ZNF385B: variants seen among roughly 807,000 people sequenced by gnomAD.
ZNF385B encodes the protein zinc finger protein 533.
Under a neutral mutation model 39.2 loss-of-function variants are expected in ZNF385B, and 23 were observed. That is an observed-to-expected ratio of 0.59 (90% CI 0.42 to 0.83). ZNF385B has a LOEUF of 0.83. Among genes scored for constraint, ZNF385B ranks in the 40% least tolerant of loss-of-function variants. ZNF385B has a pLI of 0.00. For missense variants in ZNF385B, 552 were observed against 598.9 expected (o/e 0.92, Z 0.82); for synonymous variants, 205 against 222.6 (o/e 0.92, Z 0.70).
At chr2:179,824,193 G>A (rs571936542) in intron 1 of ZNF385B, among the ~76,000 whole-genome samples, 1 of 152,228 alleles carries the variant, frequency 6.6e-6, no homozygotes, top group Admixed American at 6.5e-5. Flanking sequence ...CTCCAGTTGT[G>A]CATGTCTGGT....
intron 3 of ZNF385B, among the ~76,000 whole-genome samples, chr2:179,761,019 C>T (rs1275235544): frequency 6.6e-6 from 1 of 152,194 alleles, no homozygotes; most frequent in South Asian, 2.1e-4. Context: ...CATTGACTTG[C>T]TTTTGTACCT....
At position 179,696,326 on chromosome 2, in the gene ZNF385B, C is replaced by CTTTTTTTTTTTTTTTTTTTTTTTTTTT; in HGVS notation, c.298+73176_298+73177insAAAAAAAAAAAAAAAAAAAAAAAAAAA. On this transcript the variant is annotated intron_variant, in intron 3 of 9. Coordinates refer to ENST00000410066, the MANE Select transcript of ZNF385B (RefSeq NM_152520.6). ...CTGGGACACTAGGTACAAACTGGGACTTTTTTTTTTTTTTTTTTTTTTTGC... is the reference window on the plus strand; with the variant it reads ...CTGGGACACTAGGTACAAACTGGGACTTTTTTTTTTTTTTTTTTTTTTTTTTTTTTTTTTTTTTTTTTTTTTTTTTGC... 5.1e-3 allele frequency among the ~76,000 whole-genome samples: 205 copies of CTTTTTTTTTTTTTTTTTTTTTTTTTTT among 40,360 alleles called. 86 individuals are homozygous for CTTTTTTTTTTTTTTTTTTTTTTTTTTT. The highest frequency in any genetic ancestry group is 5.3e-3 in the Non-Finnish European group (128 of 24,258). The allele number at this position is 40,360 out of a possible 152,430, so 26.5% of individuals were successfully genotyped here.
intron 3 of ZNF385B, among the ~76,000 whole-genome samples, chr2:179,574,297 G>C (rs1685560047): frequency 6.6e-6 from 1 of 152,132 alleles, no homozygotes. Context: ...ATCAGATAGG[G>C]AGTATTGTAC....
chr2:179,504,357 A>C (rs996619651), intron 5 of ZNF385B, among the ~76,000 whole-genome samples: 2 of 151,876 alleles, frequency 1.3e-5, no homozygotes, highest in African/African-American at 4.8e-5. Context: ...GTGTCTTTAT[A>C]GCAGCATGAT....
At chr2:179,532,142 C>T (rs6715297) in intron 4 of ZNF385B, among the ~76,000 whole-genome samples, 98,071 of 152,032 alleles carry the variant, frequency 0.65, 32,110 homozygotes, top group Admixed American at 0.74. Flanking sequence ...TCTCACGTGA[C>T]TGCAAGGAGG....
At chr2:179,536,141 A>C (rs1283574712) in intron 4 of ZNF385B, among the ~76,000 whole-genome samples, 2 of 152,076 alleles carry the variant, frequency 1.3e-5, no homozygotes, top group Admixed American at 1.3e-4. Flanking sequence ...CAGAGACATA[A>C]AGTTTTGGTC....
At chr2:179,570,057 T>A (rs1265756088) in intron 3 of ZNF385B, among the ~76,000 whole-genome samples, 1 of 152,192 alleles carries the variant, frequency 6.6e-6, no homozygotes, top group African/African-American at 2.4e-5. Flanking sequence ...ACTGGACACT[T>A]CTCTGCTCCT....
intron 5 of ZNF385B, among the ~76,000 whole-genome samples, chr2:179,509,004 T>C (rs1559369360): frequency 6.6e-6 from 1 of 151,142 alleles, no homozygotes; most frequent in Admixed American, 6.6e-5. Flanking sequence ...TGGAGTGTAG[T>C]GGTGTGATCT....
At chr2:179,457,061 C>T (rs1010055930) in intron 6 of ZNF385B, among the ~76,000 whole-genome samples, 1 of 152,048 alleles carries the variant, frequency 6.6e-6, no homozygotes, top group East Asian at 1.9e-4. Flanking sequence ...TGAGATTTCC[C>T]CCAAAGATAA....
At chr2:179,708,770 C>CA (rs1559115309) in intron 3 of ZNF385B, among the ~76,000 whole-genome samples, 1 of 152,140 alleles carries the variant, frequency 6.6e-6, no homozygotes, top group Non-Finnish European at 1.5e-5. Context: ...GGCACTGAAA[C>CA]AATACCAATA....
At chr2:179,511,292 G>T (rs187782607) in intron 5 of ZNF385B, among the ~76,000 whole-genome samples, 3 of 152,150 alleles carry the variant, frequency 2.0e-5, no homozygotes, top group African/African-American at 7.2e-5. Context: ...GAATGCCAGC[G>T]CCTCTAGCAG....
Position 179,504,773 on chromosome 2 carries a change from C to T in ZNF385B, c.552+13755G>A, listed in dbSNP as rs1003014913. Reference sequence around the variant, plus strand: ...TGTATACATATGTAACAAACCCGCACGTTGTGCACATGTACCCTAAAACTT... The same window carrying T: ...TGTATACATATGTAACAAACCCGCATGTTGTGCACATGTACCCTAAAACTT... On this transcript the variant is annotated intron_variant, in intron 5 of 9. Coordinates refer to ENST00000410066, the MANE Select transcript of ZNF385B (RefSeq NM_152520.6). 4.0e-5 allele frequency among the ~76,000 whole-genome samples: 6 copies of T among 151,072 alleles called. No individual in the cohort carries two copies. In the East Asian group the frequency reaches 5.8e-4, roughly 15 times the overall value.
chr2:179,578,634 A>T lies in ZNF385B; in HGVS notation c.299-33665T>A, dbSNP rs545456098. On this transcript the variant is annotated intron_variant, in intron 3 of 9. Coordinates refer to ENST00000410066, the MANE Select transcript of ZNF385B (RefSeq NM_152520.6). ...AAGTCATTTGCATTATTAATTGCCA[A>T]TCATGATGATGCTCAGAATTGAATC... Among the ~76,000 whole-genome samples the T allele has an allele frequency of 2.6e-5, 4 of 152,216 alleles. No individual in the cohort carries two copies. In the East Asian group the frequency reaches 7.7e-4, roughly 29 times the overall value.
chr2:179,609,056 T>C (rs1173961760), intron 3 of ZNF385B, among the ~76,000 whole-genome samples: 1 of 152,154 alleles, frequency 6.6e-6, no homozygotes, highest in Non-Finnish European at 1.5e-5. Context: ...CTTGAGCATT[T>C]ATTCTTTCTT....
intron 6 of ZNF385B, among the ~76,000 whole-genome samples, chr2:179,455,877 C>T (rs2050645100): frequency 1.4e-5 from 1 of 70,866 alleles, no homozygotes. Context: ...GAGACTGCAT[C>T]TCAAAAAAAA....
chr2:179,493,784 C>CATATGTATACATATGTGTATATACAT (rs2055806073), intron 5 of ZNF385B, among the ~76,000 whole-genome samples: 26 of 88,498 alleles, frequency 2.9e-4, no homozygotes, highest in African/African-American at 9.7e-4. Flanking sequence ...TGTATATACA[C>CATATGTATACATATGTGTATATACAT]ATATGTATAC....
chr2:179,531,877 T>C (rs2059274844), intron 4 of ZNF385B, among the ~76,000 whole-genome samples: 1 of 152,202 alleles, frequency 6.6e-6, no homozygotes, highest in South Asian at 2.1e-4. Flanking sequence ...ATTTTATGTC[T>C]TCTGTTCATC....
intron 3 of ZNF385B, among the ~76,000 whole-genome samples, chr2:179,573,139 T>C (rs1223541637): frequency 6.6e-6 from 1 of 152,206 alleles, no homozygotes; most frequent in Middle Eastern, 3.2e-3. Context: ...ACTTTAAAGT[T>C]GAAGAAAGTG....
At chr2:179,800,880 T>C (rs1254526248) in intron 1 of ZNF385B, among the ~76,000 whole-genome samples, 4 of 152,144 alleles carry the variant, frequency 2.6e-5, no homozygotes, top group Non-Finnish European at 5.9e-5. Context: ...CTTAAAAGGA[T>C]AGACAATTTC....
Sources: gnomAD v4.1 joint callset for allele counts (sites outside exome capture counted in the v4.1 genomes callset) on GRCh38, gnomAD v4.1.1 for gene constraint, MANE v1.5 for transcripts, NCBI Gene and HGNC (gene_info 2026-07-23, HGNC 2026-07-21) for gene names.